The following ARIH1 variants were observed in gnomAD, a reference collection of about 807,000 sequenced individuals.
The protein encoded by ARIH1 is ariadne RBR E3 ubiquitin protein ligase 1.
ARIH1 carries 8 observed loss-of-function variants against 85.0 expected under a neutral mutation model. The ratio of observed to expected loss-of-function variants is 0.09; its 90% CI spans 0.06 to 0.17. The LOEUF (loss-of-function observed/expected upper bound fraction) is 0.17. Ranked by LOEUF, ARIH1 falls within the 10% of genes least tolerant of loss-of-function variation. The probability of loss-of-function intolerance (pLI) is 1.00; values close to 1 mark genes in which losing one functional copy is unlikely to be tolerated. For synonymous variants in ARIH1, 238 were observed against 253.6 expected (o/e 0.94, Z 0.59); for missense variants, 311 against 718.1 (o/e 0.43, Z 6.48).
chr15:72,508,697 T>A (rs2063936407), intron 1 of ARIH1, among the ~76,000 whole-genome samples: 1 of 147,344 alleles, frequency 6.8e-6, no homozygotes, highest in Non-Finnish European at 1.5e-5. Context: ...CTTTCTTTCT[T>A]TTTTTTTTTT....
In ARIH1 at chr15:72,474,819, A is replaced by G; in HGVS notation, c.180A>G (p.Gly60=). ...PGLGVGGERD[G]LLCGETGGGG... ...TGGGCGTCGGCGGGGAGCGGGACGG[A>G]CTGCTGTGCGGGGAGACGGGCGGTG... The change falls in exon 1 of 14, where the codon GGA becomes GGG. Residue 60 remains glycine, a synonymous_variant. Transcript: ENST00000379887. 6.8e-7 allele frequency: 1 copy of G among 1,460,452 alleles called. No individual in the cohort carries two copies. The highest frequency in any genetic ancestry group is 9.1e-7 in the Non-Finnish European group (1 of 1,103,130). 90.5% of individuals were successfully genotyped at this position (1,460,452 alleles called of 1,614,324 possible).
intron 11 of ARIH1, among the ~76,000 whole-genome samples, chr15:72,579,413 A>G (rs2064286620): frequency 1.3e-5 from 2 of 152,154 alleles, no homozygotes; most frequent in African/African-American, 2.4e-5. Flanking sequence ...TATACTTTCT[A>G]TTGTATTATA....
intron 3 of ARIH1, among the ~76,000 whole-genome samples, chr15:72,554,749 CTTTGTTTTGT>C: frequency 6.6e-6 from 1 of 151,682 alleles, no homozygotes; most frequent in African/African-American, 2.4e-5. Flanking sequence ...TGTGGTGTTG[CTTTGTTTTGT>C]TTTGTTTTGT....
intron 1 of ARIH1, among the ~76,000 whole-genome samples, chr15:72,507,536 T>C (rs2063931308): frequency 6.6e-6 from 1 of 152,162 alleles, no homozygotes; most frequent in Non-Finnish European, 1.5e-5. Context: ...GTGGCTTGTT[T>C]AAAAGCTTCC....
intron 1 of ARIH1, chr15:72,496,878 A>C (rs1326263705): frequency 1.0e-6 from 1 of 985,058 alleles, no homozygotes; most frequent in East Asian, 1.1e-4. Context: ...AATCATTCCA[A>C]AGACAAGTCA....
chr15:72,583,483 A>C lies in ARIH1; in HGVS notation c.*191A>C. The C allele has an allele frequency of 2.0e-6, 1 of 491,638 alleles. No individual in the cohort carries two copies. The allele number at this position is 491,638 out of a possible 1,614,324, so 30.5% of individuals were successfully genotyped here. A position where few individuals can be genotyped will look rare whatever the true frequency, so the allele number is the denominator to read the frequency against. On this transcript the variant is annotated 3_prime_UTR_variant, in exon 14 of 14. Coordinates refer to ENST00000379887, the MANE Select transcript of ARIH1 (RefSeq NM_005744.5). ...AATAAAAAGGTAGATAAACCATTGT[A>C]CAACAGTATTCTAGGCCACCAACAA...
intron 2 of ARIH1, among the ~76,000 whole-genome samples, chr15:72,539,001 T>C (rs1302666970): frequency 6.6e-6 from 1 of 152,212 alleles, no homozygotes; most frequent in African/African-American, 2.4e-5. Flanking sequence ...GCTTGTTTTT[T>C]TACTTTGATC....
chr15:72,507,188 A>G (rs1423228272), intron 1 of ARIH1, among the ~76,000 whole-genome samples: 1 of 152,000 alleles, frequency 6.6e-6, no homozygotes, highest in Admixed American at 6.6e-5. Context: ...GTGCCCGGCT[A>G]ATATTTGTAT....
At chr15:72,576,252 T>C (rs185581935) in intron 11 of ARIH1, among the ~76,000 whole-genome samples, 15 of 152,140 alleles carry the variant, frequency 9.9e-5, no homozygotes, top group African/African-American at 3.4e-4. Context: ...ATGCCTGTAA[T>C]CCCAGCACTT....
At chr15:72,558,651 G>T (rs1000126097) in intron 5 of ARIH1, among the ~76,000 whole-genome samples, 1 of 152,210 alleles carries the variant, frequency 6.6e-6, no homozygotes, top group African/African-American at 2.4e-5. Context: ...CAAGAGAATT[G>T]TCTTATTAAT....
intron 3 of ARIH1, among the ~76,000 whole-genome samples, chr15:72,553,128 G>GT (rs2064160051): frequency 6.6e-6 from 1 of 152,082 alleles, no homozygotes; most frequent in African/African-American, 2.4e-5. Flanking sequence ...TAAAGTAATT[G>GT]TTTTTAGTAA....
chr15:72,575,329 A>G (rs2064265770), intron 11 of ARIH1, among the ~76,000 whole-genome samples: 1 of 152,142 alleles, frequency 6.6e-6, no homozygotes. Context: ...CTGCAATCCT[A>G]GCACTTTGGG....
chr15:72,540,258 CAAAAAAAAAAA>C (rs10615863), intron 2 of ARIH1, among the ~76,000 whole-genome samples: 2 of 81,360 alleles, frequency 2.5e-5, no homozygotes, highest in Non-Finnish European at 4.9e-5. Flanking sequence ...GACTTTGTCT[CAAAAAAAAAAA>C]AAAAAAAAAA....
intron 2 of ARIH1, among the ~76,000 whole-genome samples, chr15:72,529,574 A>G (rs2064046514): frequency 6.6e-6 from 1 of 152,238 alleles, no homozygotes; most frequent in East Asian, 1.9e-4. Context: ...GTTACACACA[A>G]CAGTGTATCA....
intron 1 of ARIH1, among the ~76,000 whole-genome samples, chr15:72,475,696 G>A (rs891396681): frequency 6.6e-6 from 1 of 152,142 alleles, no homozygotes; most frequent in African/African-American, 2.4e-5. Context: ...GAAGCTGTTG[G>A]AATAGTTACT....
At chr15:72,579,376 G>GC (rs1200228610) in intron 11 of ARIH1, among the ~76,000 whole-genome samples, 3 of 152,098 alleles carry the variant, frequency 2.0e-5, no homozygotes, top group Non-Finnish European at 4.4e-5. Context: ...CAGTGGTTGG[G>GC]GGGGGAGCCC....
intron 2 of ARIH1, among the ~76,000 whole-genome samples, chr15:72,530,179 A>G (rs1240247332): frequency 6.6e-6 from 1 of 152,232 alleles, no homozygotes; most frequent in Non-Finnish European, 1.5e-5. Flanking sequence ...TAAATACACT[A>G]GAAGAGGCTA....
chr15:72,491,083 T>C (rs1017879158), intron 1 of ARIH1, among the ~76,000 whole-genome samples: 1 of 152,148 alleles, frequency 6.6e-6, no homozygotes, highest in Non-Finnish European at 1.5e-5. Flanking sequence ...GCCACTGCAC[T>C]CCAGGCTGGA....
At chr15:72,527,768 C>T (rs950455229) in intron 2 of ARIH1, among the ~76,000 whole-genome samples, 4 of 152,182 alleles carry the variant, frequency 2.6e-5, no homozygotes, top group Non-Finnish European at 5.9e-5. Context: ...TCTGAGACAG[C>T]TTTTCTTATC....
Sources: allele counts gnomAD v4.1 joint callset (sites outside exome capture counted in the v4.1 genomes callset), GRCh38; gene constraint gnomAD v4.1.1; transcripts MANE v1.5; gene names NCBI Gene and HGNC (gene_info 2026-07-23, HGNC 2026-07-21).